Variants in TLE4 observed in about 807,000 individuals in gnomAD.
TLE4 encodes the protein transducin-like enhancer protein 4.
A neutral mutation model predicts 92.8 loss-of-function variants in TLE4; 8 were observed. That is an observed-to-expected ratio of 0.09 (90% confidence interval 0.05 to 0.16). The LOEUF (loss-of-function observed/expected upper bound fraction) is 0.16. TLE4 is among the 10% of genes least tolerant of loss of function. The pLI is 1.00. For missense variants in TLE4, 675 were observed against 997.6 expected (o/e 0.68, Z 4.36); for synonymous variants, 371 against 374.1 (o/e 0.99, Z 0.10).
At chr9:79,642,991 T>C (rs2057456801) in intron 6 of TLE4, among the ~76,000 whole-genome samples, 2 of 152,224 alleles carry the variant, frequency 1.3e-5, no homozygotes, top group Admixed American at 6.5e-5. Flanking sequence ...GAGTTACAGA[T>C]AAGCTTAGTT....
At chr9:79,575,925 T>G (rs890587984) in intron 3 of TLE4, 1 of 381,126 alleles carries the variant, frequency 2.6e-6, no homozygotes, top group Non-Finnish European at 4.7e-6. Flanking sequence ...TTAATTTTTC[T>G]TAGTTTTGTG....
chr9:79,632,664 A>G (rs890609265), intron 6 of TLE4, among the ~76,000 whole-genome samples: 3 of 152,226 alleles, frequency 2.0e-5, no homozygotes, highest in Admixed American at 6.5e-5. Context: ...AATATTTTTC[A>G]GTAAACTTAC....
At chr9:79,622,347 T>A (rs1425164972) in intron 5 of TLE4, among the ~76,000 whole-genome samples, 1 of 152,144 alleles carries the variant, frequency 6.6e-6, no homozygotes, top group Non-Finnish European at 1.5e-5. Flanking sequence ...CTCTCCCTCT[T>A]CCAGCCACAC....
chr9:79,627,866 C>T (rs1008592251), intron 6 of TLE4: 13 of 158,500 alleles, frequency 8.2e-5, no homozygotes, highest in Middle Eastern at 6.0e-3. Flanking sequence ...TCACATCTCC[C>T]GTTCTACTTA....
chr9:79,574,021 ACTT>A (rs1378634603), intron 2 of TLE4: 1 of 310,060 alleles, frequency 3.2e-6, no homozygotes, highest in Non-Finnish European at 5.9e-6. Flanking sequence ...AACTGGGGAG[ACTT>A]GGAAAACGCT....
At chr9:79,712,845 A>G (rs554182331) in intron 14 of TLE4, among the ~76,000 whole-genome samples, 31 of 152,360 alleles carry the variant, frequency 2.0e-4, no homozygotes, top group Non-Finnish European at 3.8e-4. Context: ...ACATCACGGT[A>G]CTAATTGTAT....
At chr9:79,640,628 C>G (rs2056939826) in intron 6 of TLE4, among the ~76,000 whole-genome samples, 1 of 152,006 alleles carries the variant, frequency 6.6e-6, no homozygotes, top group Admixed American at 6.6e-5. Context: ...TGCCGTCTTC[C>G]ATAACCAGGT....
intron 14 of TLE4, 103 bp downstream of exon 14, chr9:79,709,802 T>C: frequency 1.2e-6 from 1 of 866,286 alleles, no homozygotes; most frequent in Non-Finnish European, 1.8e-6. Context: ...GGAGTTCCCA[T>C]GACTTGTATT....
chr9:79,658,521 C>T (rs1454386495), intron 8 of TLE4, among the ~76,000 whole-genome samples: 3 of 152,040 alleles, frequency 2.0e-5, no homozygotes, highest in Admixed American at 2.0e-4. Flanking sequence ...TTTCTATCCC[C>T]CATTTATTAT....
chr9:79,673,078 T>C (rs1008224161), intron 8 of TLE4, among the ~76,000 whole-genome samples: 1 of 152,122 alleles, frequency 6.6e-6, no homozygotes, highest in Non-Finnish European at 1.5e-5. Context: ...AAGGGCACGG[T>C]TTTAGAAACC....
chr9:79,713,587 T>C (rs1265009642), intron 14 of TLE4, among the ~76,000 whole-genome samples: 1 of 152,188 alleles, frequency 6.6e-6, no homozygotes, highest in African/African-American at 2.4e-5. Context: ...TGTATGTTAC[T>C]TGCACCACAA....
At chr9:79,584,499 C>G (rs1259653280) in intron 4 of TLE4, among the ~76,000 whole-genome samples, 1 of 152,170 alleles carries the variant, frequency 6.6e-6, no homozygotes, top group African/African-American at 2.4e-5. Context: ...TATTTCCTGT[C>G]TCTCTCTCGT....
At chr9:79,620,763 G>T (rs866475928) in intron 5 of TLE4, among the ~76,000 whole-genome samples, 22 of 152,114 alleles carry the variant, frequency 1.4e-4, no homozygotes, top group African/African-American at 5.3e-4. Flanking sequence ...TAAAGAAAAG[G>T]CTTTATTGGC....
chr9:79,701,958 G>T (rs1037375945), intron 8 of TLE4, among the ~76,000 whole-genome samples: 1 of 152,198 alleles, frequency 6.6e-6, no homozygotes, highest in Non-Finnish European at 1.5e-5. Flanking sequence ...AATGTTAAGG[G>T]AACAAAGAGG....
intron 5 of TLE4, among the ~76,000 whole-genome samples, chr9:79,622,506 C>G (rs1002568142): frequency 6.6e-6 from 1 of 152,146 alleles, no homozygotes; most frequent in Non-Finnish European, 1.5e-5. Context: ...CTTCCCCTAG[C>G]CCCAATATTA....
At chr9:79,574,438 A>G (rs574602123) in intron 2 of TLE4, among the ~76,000 whole-genome samples, 104 of 152,332 alleles carry the variant, frequency 6.8e-4, no homozygotes, top group African/African-American at 2.3e-3. Flanking sequence ...GATATCATTC[A>G]TAAGACATGC....
chr9:79,669,584 TA>T (rs1276989945), intron 8 of TLE4, among the ~76,000 whole-genome samples: 2 of 152,164 alleles, frequency 1.3e-5, no homozygotes, highest in Admixed American at 6.5e-5. Flanking sequence ...GTTTTGTTGG[TA>T]TTATTTCACC....
intron 4 of TLE4, among the ~76,000 whole-genome samples, chr9:79,604,887 A>G (rs1371570951): frequency 6.6e-6 from 1 of 152,168 alleles, no homozygotes; most frequent in Admixed American, 6.6e-5. Flanking sequence ...TACTCTGGGA[A>G]CAAGGAGTAT....
intron 4 of TLE4, among the ~76,000 whole-genome samples, chr9:79,586,563 C>G (rs2132171854): frequency 6.6e-6 from 1 of 152,262 alleles, no homozygotes; most frequent in Non-Finnish European, 1.5e-5. Context: ...TGTCTGTAAA[C>G]TGTGGCTTAC....
Sources: gnomAD v4.1 joint callset for allele counts (sites outside exome capture counted in the v4.1 genomes callset) on GRCh38, gnomAD v4.1.1 for gene constraint, MANE v1.5 for transcripts, NCBI Gene and HGNC (gene_info 2026-07-23, HGNC 2026-07-21) for gene names.